Variants in RALYL observed in about 807,000 individuals in gnomAD.
RALYL encodes the protein RALY RNA binding protein like.
RALYL carries 29 observed loss-of-function variants against 35.1 expected under a neutral mutation model. The ratio of observed to expected loss-of-function variants is 0.83; its 90% CI spans 0.61 to 1.13. The LOEUF is 1.13. Ranked by LOEUF, RALYL falls within the 50% of genes most tolerant of loss-of-function variation. The probability of loss-of-function intolerance (pLI) is 0.00; values close to 1 mark genes in which losing one functional copy is unlikely to be tolerated. For missense variants in RALYL, 359 were observed against 360.4 expected (o/e 1.00, Z 0.03); for synonymous variants, 120 against 127.6 (o/e 0.94, Z 0.40).
intron 1 of RALYL, among the ~76,000 whole-genome samples, chr8:84,198,945 G>A (rs1228060790): frequency 6.6e-6 from 1 of 152,136 alleles, no homozygotes. Context: ...TGTGAACAGT[G>A]CTGCAACATA....
At chr8:84,304,914 TG>T (rs1333821448) in intron 1 of RALYL, among the ~76,000 whole-genome samples, 1 of 152,182 alleles carries the variant, frequency 6.6e-6, no homozygotes, top group African/African-American at 2.4e-5. Context: ...TAAATAGTTC[TG>T]ATCTTGGAAT....
At chr8:84,399,017 T>C (rs990145269) in intron 1 of RALYL, among the ~76,000 whole-genome samples, 1 of 151,442 alleles carries the variant, frequency 6.6e-6, no homozygotes, top group Non-Finnish European at 1.5e-5. Context: ...AATCTTATTA[T>C]AGTTTTGTCT....
chr8:84,326,507 T>G lies in RALYL; in HGVS notation c.-24+142083T>G, dbSNP rs958089635. ...TACAATGGGTAGACAGTTGAAATAT[T>G]ATTCGCTTAGTTGATGCCTCAAACA... is the stretch of plus-strand genomic sequence containing the variant. On this transcript the variant is annotated intron_variant, in intron 1 of 8. Transcript: ENST00000521268. 5.9e-5 allele frequency among the ~76,000 whole-genome samples: 9 copies of G among 152,204 alleles called. No homozygotes were observed. The East Asian group carries it at 1.7e-3, about 29-fold the overall frequency.
At chr8:84,713,732 A>G in intron 2 of RALYL, among the ~76,000 whole-genome samples, 1 of 151,880 alleles carries the variant, frequency 6.6e-6, no homozygotes, top group Non-Finnish European at 1.5e-5. Flanking sequence ...CATTTTTGGG[A>G]ATATATTCAA....
chr8:84,450,896 TC>T (rs1004727196), intron 1 of RALYL, among the ~76,000 whole-genome samples: 40 of 152,088 alleles, frequency 2.6e-4, no homozygotes, highest in African/African-American at 9.6e-4. Context: ...TGATAATAAA[TC>T]TTTTCTTTTT....
intron 1 of RALYL, among the ~76,000 whole-genome samples, chr8:84,451,008 C>A (rs762857267): frequency 6.6e-6 from 1 of 151,900 alleles, no homozygotes; most frequent in African/African-American, 2.4e-5. Context: ...CATTCCCAAC[C>A]AATTTGGTGT....
At chr8:84,579,457 G>C (rs1002238288) in intron 2 of RALYL, among the ~76,000 whole-genome samples, 9 of 152,174 alleles carry the variant, frequency 5.9e-5, no homozygotes, top group Admixed American at 4.6e-4. Context: ...TTGGTAGGGG[G>C]CAGAGCTCCT....
intron 1 of RALYL, among the ~76,000 whole-genome samples, chr8:84,271,595 A>G (rs1056724580): frequency 2.0e-5 from 3 of 151,910 alleles, no homozygotes; most frequent in Non-Finnish European, 4.4e-5. Flanking sequence ...AACCTAAATG[A>G]CCATCATCTT....
intron 4 of RALYL, among the ~76,000 whole-genome samples, chr8:84,819,255 A>G (rs1446492372): frequency 6.6e-6 from 1 of 152,040 alleles, no homozygotes; most frequent in Non-Finnish European, 1.5e-5. Flanking sequence ...CAAAGTTTCC[A>G]CAGCGCTATT....
chr8:84,849,373 T>C lies in RALYL; in HGVS notation c.366-607T>C, dbSNP rs528904655. ...TTCTATTCACCATTTCTATAATGAATGGGTTATTAAACCTTTCCATTTATC... is the reference window on the plus strand; with the variant it reads ...TTCTATTCACCATTTCTATAATGAACGGGTTATTAAACCTTTCCATTTATC... On this transcript the variant is annotated intron_variant, in intron 4 of 8. Coordinates refer to ENST00000521268, the MANE Select transcript of RALYL (RefSeq NM_173848.7). Among the ~76,000 whole-genome samples the C allele has an allele frequency of 3.3e-5, 5 of 152,326 alleles. No homozygotes were observed. The South Asian group carries it at 1.0e-3, about 32-fold the overall frequency.
intron 1 of RALYL, among the ~76,000 whole-genome samples, chr8:84,356,836 TAAACATTTGGGCCAG>T (rs1851933348): frequency 2.7e-5 from 4 of 150,798 alleles, no homozygotes; most frequent in Admixed American, 6.6e-5. Context: ...AAAGAATATG[TAAACATTTGGGCCAG>T]ATTCAAATTG....
intron 2 of RALYL, among the ~76,000 whole-genome samples, chr8:84,734,259 G>A (rs565862214): frequency 1.3e-5 from 2 of 152,050 alleles, no homozygotes; most frequent in East Asian, 3.9e-4. Flanking sequence ...TTTAATAAAG[G>A]GGATGGTTTT....
intron 1 of RALYL, among the ~76,000 whole-genome samples, chr8:84,339,715 C>T (rs188655933): frequency 1.7e-3 from 252 of 151,974 alleles, no homozygotes; most frequent in African/African-American, 5.8e-3. Flanking sequence ...CTGCTGGACT[C>T]GAAAACATTT....
rs530830633 is a variant in RALYL, at chr8:84,679,589, C to G, written c.257-94990C>G. ...AATGGCCAGAACAAGAAACGCCTGC[C>G]TTATCTTCTTTGATGAAACTGATGC... On this transcript the variant is annotated intron_variant, in intron 2 of 8. Coordinates refer to ENST00000521268, the MANE Select transcript of RALYL (RefSeq NM_173848.7). The G allele has an allele frequency of 1.3e-5, 6 of 450,664 alleles. No individual in the cohort carries two copies. The East Asian group carries it at 3.7e-4, about 28-fold the overall frequency. 27.9% of individuals were successfully genotyped at this position (450,664 alleles called of 1,614,324 possible). A position where few individuals can be genotyped will look rare whatever the true frequency, so the allele number is the denominator to read the frequency against.
At chr8:84,493,081 C>A (rs549392453) in intron 1 of RALYL, among the ~76,000 whole-genome samples, 1 of 152,198 alleles carries the variant, frequency 6.6e-6, no homozygotes, top group Non-Finnish European at 1.5e-5. Flanking sequence ...CCCTGCCCTG[C>A]TGACAGGTCT....
At chr8:84,447,991 TGAG>T in intron 1 of RALYL, among the ~76,000 whole-genome samples, 1 of 150,692 alleles carries the variant, frequency 6.6e-6, no homozygotes, top group Admixed American at 6.6e-5. Flanking sequence ...AGAGCGAGAG[TGAG>T]GAGAGAGAGA....
intron 2 of RALYL, among the ~76,000 whole-genome samples, chr8:84,739,952 G>A (rs1563489281): frequency 1.3e-5 from 2 of 151,842 alleles, no homozygotes; most frequent in Non-Finnish European, 2.9e-5. Context: ...GCTTTGTGGG[G>A]TTTGCTTGAG....
chr8:84,212,355 T>G (rs1819692582), intron 1 of RALYL, among the ~76,000 whole-genome samples: 1 of 152,200 alleles, frequency 6.6e-6, no homozygotes, highest in African/African-American at 2.4e-5. Flanking sequence ...TACGTTTGTA[T>G]TTTCAAAATC....
chr8:84,908,752 A>G (rs1846973959), intron 8 of RALYL, among the ~76,000 whole-genome samples: 1 of 152,030 alleles, frequency 6.6e-6, no homozygotes. Context: ...CAGTTTGTGC[A>G]TCTCCCCAAA....
Sources: gnomAD v4.1 joint callset for allele counts (sites outside exome capture counted in the v4.1 genomes callset) on GRCh38, gnomAD v4.1.1 for gene constraint, MANE v1.5 for transcripts, NCBI Gene and HGNC (gene_info 2026-07-23, HGNC 2026-07-21) for gene names.